Variants in CRTC1 observed in about 807,000 individuals in gnomAD.
The protein encoded by CRTC1 is CREB-regulated transcription coactivator 1.
CRTC1 carries 18 observed loss-of-function variants against 66.1 expected under a neutral mutation model. The ratio of observed to expected loss-of-function variants is 0.27; its 90% CI spans 0.19 to 0.40. CRTC1 has a LOEUF of 0.40. Among genes scored for constraint, CRTC1 ranks in the 10% least tolerant of loss-of-function variants. The probability of loss-of-function intolerance (pLI) is 1.00; values close to 1 mark genes in which losing one functional copy is unlikely to be tolerated. For missense variants in CRTC1, 669 were observed against 887.9 expected (o/e 0.75, Z 3.13); for synonymous variants, 416 against 398.8 (o/e 1.04, Z -0.51).
At chr19:18,726,424 G>A (rs1224357385) in intron 1 of CRTC1, among the ~76,000 whole-genome samples, 1 of 152,254 alleles carries the variant, frequency 6.6e-6, no homozygotes, top group Non-Finnish European at 1.5e-5. Flanking sequence ...ATGGGCATCT[G>A]CTTCCTTGGG....
chr19:18,726,322 G>A (rs1018975356), intron 1 of CRTC1, among the ~76,000 whole-genome samples: 7 of 152,220 alleles, frequency 4.6e-5, no homozygotes, highest in Non-Finnish European at 8.8e-5. Flanking sequence ...CTCGGTCCCC[G>A]GGGGACAGCA....
chr19:18,720,837 G>C (rs1309285881), intron 1 of CRTC1, among the ~76,000 whole-genome samples: 3 of 144,362 alleles, frequency 2.1e-5, no homozygotes, highest in East Asian at 2.1e-4. Flanking sequence ...CTCTGCTCAT[G>C]TACACTATGT....
chr19:18,759,991 C>A lies in CRTC1; in HGVS notation c.666-17C>A. 6.8e-7 allele frequency: 1 copy of A among 1,463,862 alleles called. No individual in the cohort carries two copies. The highest frequency in any genetic ancestry group is 1.2e-5 in the South Asian group (1 of 80,382). 90.7% of individuals were successfully genotyped at this position (1,463,862 alleles called of 1,614,324 possible). ...CCCCATGAGCTCACCTCCTGCCTGC[C>A]TCTGGCCTTTTCCCAGCATCTTCCC... On this transcript the variant is annotated splice_polypyrimidine_tract_variant and intron_variant, in intron 7 of 13. Coordinates refer to ENST00000321949, the MANE Select transcript of CRTC1 (RefSeq NM_015321.3).
intron 8 of CRTC1, among the ~76,000 whole-genome samples, chr19:18,761,985 C>T (rs755712903): frequency 5.3e-5 from 8 of 152,296 alleles, no homozygotes; most frequent in South Asian, 2.1e-4. Context: ...ACAGCCGATT[C>T]GGAGGAGCCC....
chr19:18,737,107 G>A (rs2054013623), intron 1 of CRTC1, among the ~76,000 whole-genome samples: 1 of 152,158 alleles, frequency 6.6e-6, no homozygotes, highest in South Asian at 2.1e-4. Flanking sequence ...CCTGGGCGGG[G>A]CAGGGGCGTA....
intron 1 of CRTC1, among the ~76,000 whole-genome samples, chr19:18,710,232 TCTACCCA>T (rs1280939072): frequency 1.3e-5 from 2 of 152,056 alleles, no homozygotes; most frequent in Admixed American, 1.3e-4. Flanking sequence ...CCTTCCTCCA[TCTACCCA>T]CCCAGCTGCC....
chr19:18,760,176 C>G lies in CRTC1; in HGVS notation c.834C>G (p.Thr278=). 6.2e-7 allele frequency: 1 copy of G among 1,613,464 alleles called. No homozygotes were observed. The highest frequency in any genetic ancestry group is 1.3e-5 in the African/African-American group (1 of 75,038). The change falls in exon 8 of 14, where the codon ACC becomes ACG. Residue 278 remains threonine (T), a synonymous_variant. Transcript: ENST00000321949. The surrounding 1 kb of genome is among the most constrained non-coding windows in gnomAD (Gnocchi z 6.2). The part of the protein sequence containing the change: ...TFPALSSSSS[T]GNLAANLTHL... ...CTGCACTGAGCAGCTCCAGCAGCAC[C>G]GGCAACCTCGCGGCCAACCTGACGC...
rs778859970 is a variant in CRTC1 at position 18,768,745 on chromosome 19, C to A, written c.1272C>A (p.Ser424=). Residue 424 remains serine (S), a synonymous_variant, in exon 10 of 14, where the codon TCC becomes TCA. Coordinates refer to ENST00000321949, the MANE Select transcript of CRTC1 (RefSeq NM_015321.3). The surrounding 1 kb of genome is among the most constrained non-coding windows in gnomAD (Gnocchi z 5.6). Reference sequence around the variant, plus strand: ...CGGTACCGTCCTCTCTCCCCCAGTCCCCCCCAGAGAACCCTGGCCAGCCAT... The same window carrying A: ...CGGTACCGTCCTCTCTCCCCCAGTCACCCCCAGAGAACCCTGGCCAGCCAT... ...AVTVPSSLPQ[S]PPENPGQPSM... The A allele has an allele frequency of 1.2e-6, 2 of 1,601,038 alleles. No individual in the cohort carries two copies. Among genetic ancestry groups the A allele is most frequent in the African/African-American group, 1.3e-5 (1 of 74,574 alleles).
chr19:18,758,323 G>A (rs1217510208), intron 6 of CRTC1, among the ~76,000 whole-genome samples: 1 of 149,956 alleles, frequency 6.7e-6, no homozygotes, highest in Non-Finnish European at 1.5e-5. Context: ...TCGTGCCACT[G>A]CACTCCAGCC....
intron 1 of CRTC1, among the ~76,000 whole-genome samples, chr19:18,731,764 C>A (rs2053893940): frequency 6.6e-6 from 1 of 152,190 alleles, no homozygotes; most frequent in African/African-American, 2.4e-5. Flanking sequence ...TCCAGAAACA[C>A]CGCCCACAGC....
Position 18,778,043 on chromosome 19 carries a change from C to G in CRTC1, c.*661C>G. ...GAGCATGCAGGGCGGCGGACCCCCCCACGACCCTCCTCGCCCTGTCTCCAT... is the reference window on the plus strand; with the variant it reads ...GAGCATGCAGGGCGGCGGACCCCCCGACGACCCTCCTCGCCCTGTCTCCAT... On this transcript the variant is annotated 3_prime_UTR_variant, in exon 14 of 14. Transcript: ENST00000321949. 4.3e-6 allele frequency: 1 copy of G among 234,108 alleles called. No homozygotes were observed. The highest frequency in any genetic ancestry group is 8.4e-6 in the Non-Finnish European group (1 of 118,690). 14.5% of individuals were successfully genotyped at this position (234,108 alleles called of 1,614,324 possible). A position where few individuals can be genotyped will look rare whatever the true frequency, so the allele number is the denominator to read the frequency against.
intron 6 of CRTC1, among the ~76,000 whole-genome samples, chr19:18,756,729 A>G (rs1182567891): frequency 6.6e-6 from 1 of 152,204 alleles, no homozygotes; most frequent in Non-Finnish European, 1.5e-5. Flanking sequence ...CCGTTACTCA[A>G]GAAAAGGAAG....
At chr19:18,689,771 C>G (rs1333621306) in intron 1 of CRTC1, among the ~76,000 whole-genome samples, 5 of 151,194 alleles carry the variant, frequency 3.3e-5, no homozygotes, top group Admixed American at 2.6e-4. Context: ...CCACCTTTGG[C>G]TGTCGTGAAT....
intron 1 of CRTC1, among the ~76,000 whole-genome samples, chr19:18,727,600 A>AAAAAAAAAAAAAG (rs1245345054): frequency 1.3e-5 from 2 of 149,840 alleles, no homozygotes; most frequent in Admixed American, 6.7e-5. Flanking sequence ...AAAAAAAAGA[A>AAAAAAAAAAAAAG]GAAGAAAGGG....
At chr19:18,725,717 C>G (rs2053735404) in intron 1 of CRTC1, among the ~76,000 whole-genome samples, 1 of 152,216 alleles carries the variant, frequency 6.6e-6, no homozygotes, top group African/African-American at 2.4e-5. Context: ...CTTCTTTCTC[C>G]TCTTCTGAGT....
chr19:18,689,966 G>T (rs184361449), intron 1 of CRTC1, among the ~76,000 whole-genome samples: 1 of 151,810 alleles, frequency 6.6e-6, no homozygotes, highest in African/African-American at 2.4e-5. Flanking sequence ...GTGAGCATCC[G>T]CTGCAGGTGT....
chr19:18,734,590 G>T (rs73537985), intron 1 of CRTC1, among the ~76,000 whole-genome samples: 35,984 of 151,876 alleles, frequency 0.24, 4,661 homozygotes, highest in African/African-American at 0.34. Flanking sequence ...AGGCTGAGAT[G>T]GGAGGATTGT....
chr19:18,696,263 T>C (rs777042062), intron 1 of CRTC1, among the ~76,000 whole-genome samples: 10 of 152,060 alleles, frequency 6.6e-5, no homozygotes, highest in Non-Finnish European at 1.3e-4. Flanking sequence ...GGCAGGGCGG[T>C]TCAGGCTGCT....
At chr19:18,759,436 T>C (rs1029102216) in intron 6 of CRTC1, 115 bp from the exon 7 acceptor site, 6 of 1,094,328 alleles carry the variant, frequency 5.5e-6, no homozygotes, top group Non-Finnish European at 8.0e-6. Flanking sequence ...TTGGTTCTCA[T>C]GATGCATCTC....
Sources: gnomAD v4.1 joint callset for allele counts (sites outside exome capture counted in the v4.1 genomes callset) on GRCh38, gnomAD v4.1.1 for gene constraint, Gnocchi (gnomAD v3.1) non-coding constraint, MANE v1.5 for transcripts, NCBI Gene and HGNC (gene_info 2026-07-23, HGNC 2026-07-21) for gene names.